Variants in LMBRD1 observed in about 807,000 individuals in gnomAD.
LMBRD1 encodes the protein lysosomal cobalamin transport escort protein LMBD1.
A neutral mutation model predicts 74.8 loss-of-function variants in LMBRD1; 64 were observed. The observed-to-expected ratio is 0.86, with a 90% CI of 0.70 to 1.05. The LOEUF is 1.05. Among genes scored for constraint, LMBRD1 ranks in the 50% least tolerant of loss-of-function variants. The probability of loss-of-function intolerance (pLI) is 0.00; values close to 1 mark genes in which losing one functional copy is unlikely to be tolerated. For synonymous variants in LMBRD1, 204 were observed against 216.3 expected (o/e 0.94, Z 0.50); for missense variants, 652 against 645.9 (o/e 1.01, Z -0.10).
intron 5 of LMBRD1, among the ~76,000 whole-genome samples, chr6:69,745,274 C>A (rs1450152319): frequency 7.3e-6 from 1 of 136,334 alleles, no homozygotes; most frequent in Non-Finnish European, 1.6e-5. Context: ...TTTTTTGAGA[C>A]GGAGTCTCGC....
At position 69,793,715 on chromosome 6, in the gene LMBRD1, AATCT is replaced by A. The variant is rs1243513316; in HGVS notation, c.69+3094_69+3097del. Among the ~76,000 whole-genome samples, 33 of 130,734 alleles carry A rather than the reference AATCT, an allele frequency of 2.5e-4. No individual in the cohort carries two copies. The South Asian group carries it at 7.6e-3, about 30-fold the overall frequency. 85.8% of individuals were successfully genotyped at this position (130,734 alleles called of 152,430 possible). A position where few individuals can be genotyped will look rare whatever the true frequency, so the allele number is the denominator to read the frequency against. On this transcript the variant is annotated intron_variant, in intron 1 of 15. Transcript: ENST00000649934. Reference sequence around the variant, plus strand: ...AAAAGTAGGCAACATTCATGTCCTGAATCTTTTTTTTTTTTTTTTTTTTTTTGAG... The same window carrying A: ...AAAAGTAGGCAACATTCATGTCCTGATTTTTTTTTTTTTTTTTTTTTTGAG...
At chr6:69,747,904 G>T (rs1582119028) in intron 5 of LMBRD1, among the ~76,000 whole-genome samples, 1 of 152,154 alleles carries the variant, frequency 6.6e-6, no homozygotes, top group Admixed American at 6.5e-5. Context: ...AAGACCTTTT[G>T]TCAATCAGTT....
intron 3 of LMBRD1, among the ~76,000 whole-genome samples, chr6:69,767,360 T>A (rs957171040): frequency 6.6e-6 from 1 of 151,708 alleles, no homozygotes; most frequent in East Asian, 1.9e-4. Context: ...TGAGCTCTGC[T>A]TGAGCTATAT....
At chr6:69,708,538 C>A (rs376177345) in intron 9 of LMBRD1, among the ~76,000 whole-genome samples, 6 of 151,822 alleles carry the variant, frequency 4.0e-5, no homozygotes, top group Admixed American at 3.9e-4. Flanking sequence ...AGGAGCAGAG[C>A]AAGGACTCAA....
rs756971011 is a variant in LMBRD1, at chr6:69,719,029, G to C, written c.689C>G (p.Ala230Gly). The C allele has an allele frequency of 6.2e-7, 1 of 1,612,980 alleles. No homozygotes were observed. Among genetic ancestry groups the C allele is most frequent in the East Asian group, 2.2e-5 (1 of 44,836 alleles). ...PLNLIKGTRS[A>G]AYERLENTED... ...AGTGTTTTCCAAACGTTCATAAGCA[G>C]CGCTTCTAGTGCCTTTTATCAGATT... Residue 230 changes from alanine to glycine, a missense_variant, in exon 8 of 16, where the codon GCT becomes GGT. Physicochemically the swap from Ala to Gly is moderately conservative, Grantham distance 60 (BLOSUM62 0). This residue lies in a region of LMBRD1 where 598 missense variants were observed against 581.8 expected (regional missense o/e 1.03). Coordinates refer to ENST00000649934, the MANE Select transcript of LMBRD1 (RefSeq NM_018368.4).
chr6:69,779,527 G>C (rs1055011331), intron 3 of LMBRD1, among the ~76,000 whole-genome samples: 1 of 152,086 alleles, frequency 6.6e-6, no homozygotes, highest in South Asian at 2.1e-4. Context: ...GGAGAGTAAA[G>C]TTGATAGTAC....
intron 5 of LMBRD1, among the ~76,000 whole-genome samples, chr6:69,747,219 G>A (rs1296589501): frequency 6.6e-6 from 1 of 152,146 alleles, no homozygotes; most frequent in Non-Finnish European, 1.5e-5. Context: ...ACACCAGAGA[G>A]TGCTCCTTCT....
At chr6:69,791,384 AT>A (rs1766080520) in intron 1 of LMBRD1, among the ~76,000 whole-genome samples, 1 of 152,300 alleles carries the variant, frequency 6.6e-6, no homozygotes, top group South Asian at 2.1e-4. Context: ...AGACTGTGTT[AT>A]TTCAGCCTTC....
Position 69,674,750 on chromosome 6 carries a change from G to A in LMBRD1, c.*1408C>T, listed in dbSNP as rs1298187033. On this transcript the variant is annotated 3_prime_UTR_variant, in exon 16 of 16. Transcript: ENST00000649934. ...AGCACTTTGGGAGGCCACTGTGGGT[G>A]GATCATGAGGTCAGGAGTTCAAGAC... Among the ~76,000 whole-genome samples, 3 of 152,090 alleles carry A rather than the reference G, an allele frequency of 2.0e-5. No individual in the cohort carries two copies. The highest frequency in any genetic ancestry group is 7.2e-5 in the African/African-American group (3 of 41,428).
intron 7 of LMBRD1, among the ~76,000 whole-genome samples, chr6:69,722,960 A>T (rs1301930813): frequency 6.6e-6 from 1 of 152,178 alleles, no homozygotes; most frequent in African/African-American, 2.4e-5. Flanking sequence ...TCACCTACAA[A>T]GACATACAGA....
intron 2 of LMBRD1, among the ~76,000 whole-genome samples, chr6:69,782,070 CA>C (rs1765843528): frequency 6.6e-6 from 1 of 152,148 alleles, no homozygotes; most frequent in Non-Finnish European, 1.5e-5. Context: ...CCAGTAATGC[CA>C]AAATGTGGAG....
At chr6:69,782,996 T>C (rs920083721) in intron 2 of LMBRD1, among the ~76,000 whole-genome samples, 24 of 151,482 alleles carry the variant, frequency 1.6e-4, no homozygotes, top group African/African-American at 5.8e-4. Context: ...ATGCATAACA[T>C]AGAATAACAT....
At chr6:69,677,694 C>T (rs1765576210) in intron 14 of LMBRD1, among the ~76,000 whole-genome samples, 2 of 151,984 alleles carry the variant, frequency 1.3e-5, no homozygotes, top group Admixed American at 1.3e-4. Context: ...TTTCTTTCAG[C>T]TTTTATCTTT....
intron 1 of LMBRD1, among the ~76,000 whole-genome samples, chr6:69,795,331 ATTG>A (rs905077873): frequency 1.1e-4 from 17 of 152,142 alleles, no homozygotes; most frequent in African/African-American, 4.1e-4. Context: ...TTCTTCCAAT[ATTG>A]TTGTCTATTC....
At chr6:69,726,987 C>T (rs965115436) in intron 7 of LMBRD1, among the ~76,000 whole-genome samples, 1 of 152,016 alleles carries the variant, frequency 6.6e-6, no homozygotes, top group Non-Finnish European at 1.5e-5. Flanking sequence ...AATCCCATCT[C>T]TACTAAAAAT....
chr6:69,719,181 G>T, intron 7 of LMBRD1, 100 bp from the exon 8 acceptor site: 1 of 1,095,132 alleles, frequency 9.1e-7, no homozygotes, highest in Non-Finnish European at 1.3e-6. Flanking sequence ...AGAGTCAGCA[G>T]TTGTGAAAGA....
intron 14 of LMBRD1, among the ~76,000 whole-genome samples, chr6:69,684,256 G>T (rs1372024361): frequency 6.6e-6 from 1 of 152,004 alleles, no homozygotes. Context: ...TTCATAATAT[G>T]GTTGACAAAG....
intron 3 of LMBRD1, among the ~76,000 whole-genome samples, chr6:69,773,833 T>C (rs1346000196): frequency 2.0e-5 from 3 of 152,176 alleles, no homozygotes; most frequent in South Asian, 2.1e-4. Flanking sequence ...AACACTAGCA[T>C]GGATAAACTA....
intron 7 of LMBRD1, among the ~76,000 whole-genome samples, chr6:69,726,046 C>T (rs1766727401): frequency 6.6e-6 from 1 of 152,074 alleles, no homozygotes; most frequent in African/African-American, 2.4e-5. Flanking sequence ...AGAAAAAAGC[C>T]TAATAACCAT....
Sources: gnomAD v4.1 joint callset for allele counts (sites outside exome capture counted in the v4.1 genomes callset) on GRCh38, gnomAD v4.1.1 for gene constraint, gnomAD v4.1.1 regional missense constraint, MANE v1.5 for transcripts, NCBI Gene and HGNC (gene_info 2026-07-23, HGNC 2026-07-21) for gene names.